Variants in METTL16 observed in about 807,000 individuals in gnomAD.
METTL16 encodes the protein RNA N(6)-adenosine-methyltransferase METTL16.
A neutral mutation model predicts 57.9 loss-of-function variants in METTL16; 19 were observed. The observed-to-expected ratio is 0.33, with a 90% CI of 0.23 to 0.48. The LOEUF is 0.48. METTL16 is among the 20% of genes least tolerant of loss of function. METTL16 has a pLI of 0.99. For missense variants in METTL16, 434 were observed against 691.5 expected (o/e 0.63, Z 4.18); for synonymous variants, 246 against 255.6 (o/e 0.96, Z 0.36).
Position 2,502,380 on chromosome 17 carries a change from A to T in METTL16, c.1-49T>A, listed in dbSNP as rs544714527. On this transcript the variant is annotated intron_variant, in intron 1 of 9. Coordinates refer to ENST00000263092, the MANE Select transcript of METTL16 (RefSeq NM_024086.4). Reference sequence around the variant, plus strand: ...AAAATCAGCATATTTATTAAAAACCATTAATGGGGGCCGGGTGCGGTGCCT... The same window carrying T: ...AAAATCAGCATATTTATTAAAAACCTTTAATGGGGGCCGGGTGCGGTGCCT... 3.1e-6 allele frequency: 5 copies of T among 1,588,608 alleles called. No homozygotes were observed. The East Asian group carries it at 1.1e-4, about 36-fold the overall frequency.
At position 2,502,184 on chromosome 17, in the gene METTL16, A is replaced by AT. The variant is rs1597474299; in HGVS notation, c.128+19dup. On this transcript the variant is annotated intron_variant, in intron 2 of 9. Transcript: ENST00000263092. ...TTTGAATCACACAAGAATAACAGTGATTTTTCATCCGTTACCTACCTCACT... is the reference window on the plus strand; with the variant it reads ...TTTGAATCACACAAGAATAACAGTGATTTTTTCATCCGTTACCTACCTCACT... 6.2e-7 allele frequency: 1 copy of AT among 1,610,570 alleles called. No individual in the cohort carries two copies.
rs373858944 is a variant in METTL16, at chr17:2,491,642, A to C, written c.128+10562T>G. On this transcript the variant is annotated intron_variant, in intron 2 of 9. Transcript: ENST00000263092. ...TGTAATGTCAGCACGTTGGGAGGCC[A>C]AGGCGGGTGAATCACGAGGTCAGGA... is the stretch of plus-strand genomic sequence containing the variant. Among the ~76,000 whole-genome samples, 7 of 152,216 alleles carry C rather than the reference A, an allele frequency of 4.6e-5. No individual in the cohort carries two copies. In the East Asian group the frequency reaches 1.4e-3, roughly 29 times the overall value.
At position 2,447,683 on chromosome 17, in the gene METTL16, C is replaced by T. The variant is rs2067015247; in HGVS notation, c.729-6124G>A. 3.6e-5 allele frequency among the ~76,000 whole-genome samples: 5 copies of T among 138,190 alleles called. No homozygotes were observed. In the South Asian group the frequency reaches 9.3e-4, roughly 26 times the overall value. The allele number at this position is 138,190 out of a possible 152,430, so 90.7% of individuals were successfully genotyped here. A position where few individuals can be genotyped will look rare whatever the true frequency, so the allele number is the denominator to read the frequency against. On this transcript the variant is annotated intron_variant, in intron 6 of 9. Coordinates refer to ENST00000263092, the MANE Select transcript of METTL16 (RefSeq NM_024086.4). The stretch of plus-strand genomic sequence containing the variant: ...GTGAGGAGCCCCTCTGCCCGGCCAG[C>T]CGCCCCGTCCGGGAGGGGGGAGGGG...
intron 2 of METTL16, among the ~76,000 whole-genome samples, chr17:2,498,326 C>G (rs1243051093): frequency 9.1e-4 from 132 of 144,506 alleles, no homozygotes; most frequent in South Asian, 5.2e-3. Context: ...GCAGGAGAAT[C>G]TCTTGAACCC....
chr17:2,483,317 G>C (rs1032008928), intron 2 of METTL16, among the ~76,000 whole-genome samples: 1 of 152,140 alleles, frequency 6.6e-6, no homozygotes, highest in African/African-American at 2.4e-5. Flanking sequence ...TGTAGAATGG[G>C]TTAAAAATAT....
intron 6 of METTL16, among the ~76,000 whole-genome samples, chr17:2,458,787 G>A (rs2067128767): frequency 6.7e-6 from 1 of 149,100 alleles, no homozygotes; most frequent in Non-Finnish European, 1.5e-5. Flanking sequence ...TTATCTAGAA[G>A]GTTAGATGGG....
chr17:2,456,070 G>C (rs1222939364), intron 6 of METTL16, among the ~76,000 whole-genome samples: 2 of 151,920 alleles, frequency 1.3e-5, no homozygotes, highest in Admixed American at 6.6e-5. Context: ...TCCTACCTTA[G>C]TATGAAGGAA....
At chr17:2,491,996 G>C (rs1398481260) in intron 2 of METTL16, among the ~76,000 whole-genome samples, 1 of 151,080 alleles carries the variant, frequency 6.6e-6, no homozygotes, top group Non-Finnish European at 1.5e-5. Context: ...CGGATCACGA[G>C]GTCAGGAGAT....
chr17:2,424,838 C>T (rs1268935062), intron 8 of METTL16, among the ~76,000 whole-genome samples: 4 of 151,900 alleles, frequency 2.6e-5, no homozygotes. Context: ...GTCCCAGCTA[C>T]TTGGGAGGCT....
chr17:2,463,285 G>C (rs955395032), intron 6 of METTL16, among the ~76,000 whole-genome samples: 2 of 152,100 alleles, frequency 1.3e-5, no homozygotes, highest in Non-Finnish European at 2.9e-5. Flanking sequence ...AATCCGTTTT[G>C]TTCTATCACA....
intron 8 of METTL16, among the ~76,000 whole-genome samples, chr17:2,422,204 C>T (rs1373688395): frequency 6.6e-6 from 1 of 151,752 alleles, no homozygotes; most frequent in Non-Finnish European, 1.5e-5. Context: ...CCCAGCTACT[C>T]GGGAGGCTGA....
At chr17:2,425,251 T>C (rs1022375078) in intron 8 of METTL16, among the ~76,000 whole-genome samples, 1 of 152,246 alleles carries the variant, frequency 6.6e-6, no homozygotes, top group Non-Finnish European at 1.5e-5. Context: ...AATATCCTTA[T>C]AATTGCAAAA....
intron 4 of METTL16, among the ~76,000 whole-genome samples, chr17:2,472,876 C>T (rs1378453868): frequency 6.6e-6 from 1 of 151,968 alleles, no homozygotes; most frequent in Non-Finnish European, 1.5e-5. Flanking sequence ...GCACAGAAGA[C>T]GGCAGGGCAG....
intron 2 of METTL16, among the ~76,000 whole-genome samples, chr17:2,480,761 A>G (rs951621826): frequency 2.6e-5 from 4 of 152,228 alleles, no homozygotes; most frequent in Non-Finnish European, 5.9e-5. Context: ...AGGATTATAG[A>G]CCATAGAATA....
At chr17:2,426,595 G>A (rs967724476) in intron 8 of METTL16, among the ~76,000 whole-genome samples, 4 of 151,372 alleles carry the variant, frequency 2.6e-5, no homozygotes, top group African/African-American at 9.7e-5. Context: ...TGGGCATGGT[G>A]GCACGTGTCT....
At chr17:2,441,652 C>A in intron 6 of METTL16, 93 bp from the exon 7 acceptor site, 1 of 673,018 alleles carries the variant, frequency 1.5e-6, no homozygotes, top group South Asian at 3.1e-5. Context: ...AGAACAGTAA[C>A]AAACAAACAT....
At chr17:2,500,309 G>C (rs143784472) in intron 2 of METTL16, among the ~76,000 whole-genome samples, 4,070 of 151,354 alleles carry the variant, frequency 0.027, 96 homozygotes, top group African/African-American at 0.067. Context: ...TGGAGTCTCA[G>C]TCTGTCACCC....
Position 2,498,071 on chromosome 17 carries a change from G to A in METTL16, c.128+4133C>T, listed in dbSNP as rs535686749. 5.3e-5 allele frequency among the ~76,000 whole-genome samples: 8 copies of A among 151,564 alleles called. No individual in the cohort carries two copies. The East Asian group carries it at 1.6e-3, about 29-fold the overall frequency. On this transcript the variant is annotated intron_variant, in intron 2 of 9. Coordinates refer to ENST00000263092, the MANE Select transcript of METTL16 (RefSeq NM_024086.4). ...TAGCAGGGCGTGGTGGCGGGCACCT[G>A]TAGTCCCAGCTACTCAGGAGGCTGA...
intron 5 of METTL16, among the ~76,000 whole-genome samples, chr17:2,467,007 C>T (rs1041090033): frequency 2.6e-5 from 4 of 151,994 alleles, no homozygotes; most frequent in Admixed American, 2.0e-4. Context: ...GGCTTCACCA[C>T]GTTGCCCAGG....
Sources: gnomAD v4.1 joint callset for allele counts (sites outside exome capture counted in the v4.1 genomes callset) on GRCh38, gnomAD v4.1.1 for gene constraint, MANE v1.5 for transcripts, NCBI Gene and HGNC (gene_info 2026-07-23, HGNC 2026-07-21) for gene names.